USP28: variants seen among roughly 807,000 people sequenced by gnomAD.
The protein encoded by USP28 is ubiquitin specific peptidase 28.
In USP28, 113 loss-of-function variants were observed where a neutral mutation model predicts 145.0. The observed-to-expected ratio is 0.78, with a 90% CI of 0.67 to 0.91. USP28 has a LOEUF of 0.91. Ranked by LOEUF, USP28 falls within the 40% of genes least tolerant of loss-of-function variation. USP28 has a pLI of 0.00. For missense variants in USP28, 1,201 were observed against 1,289.6 expected (o/e 0.93, Z 1.05); for synonymous variants, 447 against 450.9 (o/e 0.99, Z 0.11).
chr11:113,821,401 G>T, intron 12 of USP28: 1 of 228,076 alleles, frequency 4.4e-6, no homozygotes. Context: ...CTTCTGGGAT[G>T]CTCCAAAGCA....
At chr11:113,819,115 CTTT>C (rs1055207541) in intron 12 of USP28, among the ~76,000 whole-genome samples, 9 of 140,338 alleles carry the variant, frequency 6.4e-5, no homozygotes, top group East Asian at 2.1e-4. Context: ...CATTTTTATT[CTTT>C]TTTTTTTTTT....
Position 113,808,079 on chromosome 11 carries a change from A to C in USP28, c.2304+219T>G, listed in dbSNP as rs553749430. 8.4e-4 allele frequency: 1,188 copies of C among 1,419,776 alleles called. 1 individual carries two copies. The highest frequency in any genetic ancestry group is 1.0e-3 in the Non-Finnish European group (1,104 of 1,083,048). The allele number at this position is 1,419,776 out of a possible 1,614,324, so 87.9% of individuals were successfully genotyped here. ...TCATTAGCCTTTGGGGGCTGTTCTG[A>C]CTGCTCTGCAAGGTTTGTTTCCTGG... On this transcript the variant is annotated intron_variant, in intron 18 of 24. Transcript: ENST00000003302.
chr11:113,823,824 G>A, intron 11 of USP28, 124 bp from the exon 12 acceptor site: 1 of 660,518 alleles, frequency 1.5e-6, no homozygotes, highest in Non-Finnish European at 2.3e-6. Flanking sequence ...AAAACATACG[G>A]CTGACAGCAT....
intron 1 of USP28, among the ~76,000 whole-genome samples, chr11:113,863,924 G>A (rs562518545): frequency 2.4e-4 from 33 of 139,270 alleles, no homozygotes; most frequent in Non-Finnish European, 4.2e-4. Context: ...CAGCCTGGGC[G>A]ACACAGCGAG....
intron 12 of USP28, among the ~76,000 whole-genome samples, chr11:113,818,677 T>A (rs1398196109): frequency 1.3e-5 from 2 of 151,954 alleles, no homozygotes; most frequent in Non-Finnish European, 2.9e-5. Context: ...CTAGGCAACA[T>A]GACAAAACCC....
chr11:113,839,323 GC>G (rs1217357917), intron 5 of USP28, among the ~76,000 whole-genome samples: 1 of 152,192 alleles, frequency 6.6e-6, no homozygotes, highest in Non-Finnish European at 1.5e-5. Context: ...GGTGGCTCAG[GC>G]CTGTAATCCC....
exon 9 of USP28, chr11:113,830,889 G>T: frequency 1.2e-6 from 2 of 1,614,026 alleles, no homozygotes; most frequent in Non-Finnish European, 1.7e-6. Context: ...CTTCAGTCAG[G>T]AAAGTACCAT....
chr11:113,861,034 G>A (rs1232882262), intron 1 of USP28, among the ~76,000 whole-genome samples: 1 of 151,338 alleles, frequency 6.6e-6, no homozygotes, highest in African/African-American at 2.4e-5. Flanking sequence ...AGGAGAACCT[G>A]GCGTGAACCT....
intron 16 of USP28, among the ~76,000 whole-genome samples, chr11:113,809,724 AAC>A (rs1180759762): frequency 6.6e-6 from 1 of 152,234 alleles, no homozygotes; most frequent in Non-Finnish European, 1.5e-5. Context: ...GTGAATGAAT[AAC>A]ACAGAGTTAA....
chr11:113,814,630 G>A (rs1159190828), intron 14 of USP28, among the ~76,000 whole-genome samples: 3 of 150,998 alleles, frequency 2.0e-5, no homozygotes, highest in East Asian at 3.9e-4. Flanking sequence ...AAAAATCTCA[G>A]CAAAGGTGAT....
rs940819976 is a variant in USP28, at chr11:113,812,195, T to A, written c.1972+81A>T. 29 of 962,962 alleles carry A rather than the reference T, an allele frequency of 3.0e-5. No individual in the cohort carries two copies. In the African/African-American group the frequency reaches 4.0e-4, roughly 13 times the overall value. The allele number at this position is 962,962 out of a possible 1,614,324, so 59.7% of individuals were successfully genotyped here. A position where few individuals can be genotyped will look rare whatever the true frequency, so the allele number is the denominator to read the frequency against. On this transcript the variant is annotated intron_variant, in intron 16 of 24. Transcript: ENST00000003302. ...ATATAATAGTAAGTTGTAAATTTTT[T>A]AAAAAGCAGTACAAGACTGTTCTTC...
At chr11:113,849,251 T>A (rs972499212) in intron 3 of USP28, among the ~76,000 whole-genome samples, 2 of 152,184 alleles carry the variant, frequency 1.3e-5, no homozygotes, top group Non-Finnish European at 2.9e-5. Flanking sequence ...CTGGATCCTA[T>A]CCACACTTTG....
At chr11:113,840,901 G>GT (rs1371769955) in intron 4 of USP28, 144 bp from the exon 5 acceptor site, 1 of 1,032,532 alleles carries the variant, frequency 9.7e-7, no homozygotes, top group African/African-American at 1.6e-5. Flanking sequence ...ATAAGGAACT[G>GT]TAAGACTGTA....
intron 1 of USP28, among the ~76,000 whole-genome samples, chr11:113,859,616 T>C (rs1268306515): frequency 2.0e-5 from 3 of 151,888 alleles, no homozygotes; most frequent in Admixed American, 1.3e-4. Flanking sequence ...TATATTTATA[T>C]AAATATTAAT....
chr11:113,819,771 G>A (rs1942327797), intron 12 of USP28, among the ~76,000 whole-genome samples: 3 of 152,252 alleles, frequency 2.0e-5, no homozygotes, highest in Non-Finnish European at 2.9e-5. Flanking sequence ...CCAGGCTGGG[G>A]TGCAATGGCG....
chr11:113,829,653 CCT>C (rs1479720298), intron 9 of USP28, among the ~76,000 whole-genome samples: 2 of 151,986 alleles, frequency 1.3e-5, no homozygotes, highest in East Asian at 1.9e-4. Flanking sequence ...CAGTGACACC[CCT>C]GTCTCTACAA....
intron 12 of USP28, among the ~76,000 whole-genome samples, chr11:113,819,389 AG>A (rs1942260511): frequency 6.6e-6 from 1 of 152,254 alleles, no homozygotes; most frequent in African/African-American, 2.4e-5. Flanking sequence ...CTGGGATTAC[AG>A]GTGTGAGCCA....
At chr11:113,826,933 A>C (rs1943432420) in intron 11 of USP28, among the ~76,000 whole-genome samples, 5 of 151,744 alleles carry the variant, frequency 3.3e-5, no homozygotes, top group Admixed American at 3.3e-4. Context: ...AAAAAAAAAA[A>C]ACAAAAATTC....
chr11:113,829,359 G>C lies in USP28; in HGVS notation c.911-14C>G. 6.2e-7 allele frequency: 1 copy of C among 1,611,720 alleles called. No homozygotes were observed. The highest frequency in any genetic ancestry group is 8.5e-7 in the Non-Finnish European group (1 of 1,179,784). Reference sequence around the variant, plus strand: ...AAAAGGGTTTTCCTAGGCAAAGAGAGAGACTTTTTAAAAAAGACATCACTA... The same window carrying C: ...AAAAGGGTTTTCCTAGGCAAAGAGACAGACTTTTTAAAAAAGACATCACTA... On this transcript the variant is annotated splice_polypyrimidine_tract_variant and intron_variant, in intron 9 of 24. Coordinates refer to ENST00000003302, the Ensembl canonical transcript of USP28.
Sources: allele counts gnomAD v4.1 joint callset (sites outside exome capture counted in the v4.1 genomes callset), GRCh38; gene constraint gnomAD v4.1.1; transcripts MANE v1.5; gene names NCBI Gene and HGNC (gene_info 2026-07-23, HGNC 2026-07-21).